DHX38: variants seen among roughly 807,000 people sequenced by gnomAD.
The protein encoded by DHX38 is pre-mRNA-splicing factor ATP-dependent RNA helicase PRP16.
DHX38 carries 100 observed loss-of-function variants against 153.1 expected under a neutral mutation model. The observed-to-expected ratio is 0.65, with a 90% CI of 0.56 to 0.77. The LOEUF (loss-of-function observed/expected upper bound fraction) is 0.77. Ranked by LOEUF, DHX38 falls within the 30% of genes least tolerant of loss-of-function variation. DHX38 has a pLI of 0.00. For synonymous variants in DHX38, 650 were observed against 631.7 expected (o/e 1.03, Z -0.43); for missense variants, 1,440 against 1,654.0 (o/e 0.87, Z 2.24).
intron 18 of DHX38, 148 bp downstream of exon 18, chr16:72,105,772 T>A (rs143051890): frequency 1.2e-6 from 1 of 806,634 alleles, no homozygotes; most frequent in African/African-American, 1.7e-5. Flanking sequence ...ATTGACTCAC[T>A]GTGCTTGGTT....
rs533996206 is a variant in DHX38 at position 72,105,924 on chromosome 16, C to T, written c.2488-81C>T. Reference sequence around the variant, plus strand: ...GCTCTTCCTCTGCCATGTGTAGCAACCAGGGCTTGCCTTTGTCTCAGGCCT... The same window carrying T: ...GCTCTTCCTCTGCCATGTGTAGCAATCAGGGCTTGCCTTTGTCTCAGGCCT... On this transcript the variant is annotated intron_variant, in intron 18 of 26. Coordinates refer to ENST00000268482, the MANE Select transcript of DHX38 (RefSeq NM_014003.4). 1.7e-5 allele frequency: 23 copies of T among 1,334,398 alleles called. No individual in the cohort carries two copies. In the South Asian group the frequency reaches 2.8e-4, roughly 16 times the overall value. The allele number at this position is 1,334,398 out of a possible 1,614,324, so 82.7% of individuals were successfully genotyped here. A position where few individuals can be genotyped will look rare whatever the true frequency, so the allele number is the denominator to read the frequency against.
chr16:72,104,143 G>A lies in DHX38; in HGVS notation c.2010+12G>A, dbSNP rs1159193096. Reference sequence around the variant, plus strand: ...GGCTGCTCCGGGAGGTGAGGGCTGTGTGGTTTGGTCTCTCTGCGCATGGGG... The same window carrying A: ...GGCTGCTCCGGGAGGTGAGGGCTGTATGGTTTGGTCTCTCTGCGCATGGGG... On this transcript the variant is annotated intron_variant, in intron 14 of 26. Transcript: ENST00000268482. The surrounding 1 kb of genome is among the most constrained non-coding windows in gnomAD (Gnocchi z 4.5). The A allele has an allele frequency of 1.9e-6, 3 of 1,612,494 alleles. No individual in the cohort carries two copies. Among genetic ancestry groups the A allele is most frequent in the Admixed American group, 3.3e-5 (2 of 59,980 alleles).
rs147679168 is a variant in DHX38, at chr16:72,104,036, C to T, written c.1915C>T (p.Arg639Trp). 8.1e-6 allele frequency: 13 copies of T among 1,614,040 alleles called. No individual in the cohort carries two copies. The highest frequency in any genetic ancestry group is 3.3e-5 in the South Asian group (3 of 91,082). The change falls in exon 14 of 27, where the codon CGG becomes TGG. Residue 639 changes from arginine (R) to tryptophan (W), a missense_variant. Arg to Trp is a moderately radical substitution (Grantham distance 101, BLOSUM62 -3). Transcript: ENST00000268482. The surrounding 1 kb of genome is among the most constrained non-coding windows in gnomAD (Gnocchi z 4.5). ...CGGGATCCTGCTCCGAGAGTCCCTC[C>T]GGGAAGCCGACCTGGATCACTACAG... ...TDGILLRESL[R>W]EADLDHYSAI...
In DHX38 at chr16:72,106,014, C is replaced by T. The variant is rs1014748960; in HGVS notation, c.2497C>T (p.Pro833Ser). The T allele has an allele frequency of 5.7e-5, 92 of 1,613,994 alleles. No homozygotes were observed. The highest frequency in any genetic ancestry group is 6.8e-5 in the Non-Finnish European group (80 of 1,179,970). ...SGYCKLKVFN[P>S]RIGMDALQIY... ...TGCCGTCCCCTCCTAGGTCTTCAAC[C>T]CCAGGATTGGCATGGATGCTCTGCA... Residue 833 changes from proline (P) to serine (S), a missense_variant, in exon 19 of 27, where the codon CCC becomes TCC. Physicochemically the swap from Pro to Ser is moderately conservative, Grantham distance 74. This residue lies in a region of DHX38 where 543 missense variants were observed against 717.9 expected (regional missense o/e 0.76). Coordinates refer to ENST00000268482, the MANE Select transcript of DHX38 (RefSeq NM_014003.4).
rs1276574306 is a variant in DHX38 at position 72,101,275 on chromosome 16, CAGAT to C, written c.1386+86_1386+89del. The C allele has an allele frequency of 1.1e-4, 157 of 1,485,680 alleles. 1 individual carries two copies. In the East Asian group the frequency reaches 3.7e-3, roughly 35 times the overall value. 92.0% of individuals were successfully genotyped at this position (1,485,680 alleles called of 1,614,324 possible). On this transcript the variant is annotated intron_variant, in intron 10 of 26. Transcript: ENST00000268482. Reference sequence around the variant, plus strand: ...CTCTTCATAAGTCTTACTAGGCCCACAGATAGAAGTTAGGAGTCCCCTCTATCAA... The same window carrying C: ...CTCTTCATAAGTCTTACTAGGCCCACAGAAGTTAGGAGTCCCCTCTATCAA...
At chr16:72,109,380 C>A (rs777610329) in intron 24 of DHX38, 35 bp from the exon 25 acceptor site, 1 of 1,606,860 alleles carries the variant, frequency 6.2e-7, no homozygotes, top group South Asian at 1.1e-5. Flanking sequence ...ATTGGCCCTC[C>A]TGTGACCCTC....
At chr16:72,110,908 C>CGGTGTAGAT in intron 25 of DHX38, 48 bp from the exon 26 acceptor site, 1 of 1,534,104 alleles carries the variant, frequency 6.5e-7, no homozygotes, top group Non-Finnish European at 8.8e-7. Flanking sequence ...AGGCCTCCTT[C>CGGTGTAGAT]CTTAGTGGTC....
Position 72,105,281 on chromosome 16 carries a change from C to T in DHX38, c.2312C>T (p.Pro771Leu), listed in dbSNP as rs1260987239. ...VEHLEELENA[P>L]ALAVLPIYSQ... ...CATCTGGAGGAACTGGAGAACGCGCCTGCCCTGGCTGTGCTGCCCATCTAC... is the reference window on the plus strand; with the variant it reads ...CATCTGGAGGAACTGGAGAACGCGCTTGCCCTGGCTGTGCTGCCCATCTAC... Residue 771 changes from proline to leucine, a missense_variant, in exon 17 of 27, where the codon CCT becomes CTT. Transcript: ENST00000268482. The T allele has an allele frequency of 6.2e-7, 1 of 1,614,194 alleles. No homozygotes were observed. Among genetic ancestry groups the T allele is most frequent in the Non-Finnish European group, 8.5e-7 (1 of 1,180,036 alleles).
In DHX38 at chr16:72,093,878, C is replaced by G. The variant is rs2041963462; in HGVS notation, c.-193C>G. On this transcript the variant is annotated 5_prime_UTR_variant, in exon 1 of 27. Coordinates refer to ENST00000268482, the MANE Select transcript of DHX38 (RefSeq NM_014003.4). ...ATCCAGGAATCGGGCGTGTTCCAGG[C>G]TGCTCTCTATGGTAGCTTTGGGCGG... is the stretch of plus-strand genomic sequence containing the variant. The G allele has an allele frequency of 6.6e-6, 1 of 152,332 alleles. No homozygotes were observed. Among genetic ancestry groups the G allele is most frequent in the Non-Finnish European group, 1.5e-5 (1 of 68,174 alleles). The allele number at this position is 152,332 out of a possible 1,614,324, so 9.4% of individuals were successfully genotyped here.
intron 11 of DHX38, 135 bp from the exon 12 acceptor site, chr16:72,102,939 A>G: frequency 1.6e-6 from 2 of 1,276,056 alleles, no homozygotes; most frequent in Non-Finnish European, 2.2e-6. Flanking sequence ...ACCATCTCAG[A>G]TTCCCTGGCT....
Position 72,096,410 on chromosome 16 carries a change from A to C in DHX38, c.253A>C (p.Ser85Arg), listed in dbSNP as rs779386985. 5 of 1,614,098 alleles carry C rather than the reference A, an allele frequency of 3.1e-6. No homozygotes were observed. Among genetic ancestry groups the C allele is most frequent in the Non-Finnish European group, 4.2e-6 (5 of 1,180,018 alleles). The change falls in exon 2 of 27, where the codon AGC becomes CGC. Residue 85 changes from serine to arginine, a missense_variant. Physicochemically the swap from Ser to Arg is moderately radical, Grantham distance 110. Coordinates refer to ENST00000268482, the MANE Select transcript of DHX38 (RefSeq NM_014003.4). Reference sequence around the variant, plus strand: ...CTCCTCCTACAAGGACTGGGAAGAGAGCAAGGATGACCAGAAGGATGCTGA... The same window carrying C: ...CTCCTCCTACAAGGACTGGGAAGAGCGCAAGGATGACCAGAAGGATGCTGA... ...KVSSYKDWEE[S>R]KDDQKDAEEE...
chr16:72,096,203 A>T lies in DHX38; in HGVS notation c.46A>T (p.Thr16Ser). The T allele has an allele frequency of 2.5e-6, 4 of 1,612,604 alleles. No individual in the cohort carries two copies. The highest frequency in any genetic ancestry group is 3.4e-6 in the Non-Finnish European group (4 of 1,178,734). The change falls in exon 2 of 27, where the codon ACT (threonine) becomes TCT (serine). Residue 16 changes from threonine (T) to serine (S), a missense_variant. Coordinates refer to ENST00000268482, the MANE Select transcript of DHX38 (RefSeq NM_014003.4). ...EDASIHRLEG[T>S]DLDCQVGGLI... is the part of the protein sequence containing the mutation. ...TGCCTCGATCCATCGATTGGAAGGC[A>T]CTGATCTGGACTGTCAGGTTGGTGG...
At chr16:72,101,240 C>G (rs199740807) in intron 10 of DHX38, 47 bp downstream of exon 10, 1 of 1,602,302 alleles carries the variant, frequency 6.2e-7, no homozygotes, top group African/African-American at 1.3e-5. Context: ...GTATTTTTTT[C>G]TTTTTTCTTC....
chr16:72,105,673 C>T (rs1450609640), intron 18 of DHX38, 49 bp downstream of exon 18: 1 of 1,593,022 alleles, frequency 6.3e-7, no homozygotes, highest in Non-Finnish European at 8.6e-7. Context: ...CAGAAGCTAA[C>T]TTAGCTGCGG....
rs777467018 is a variant in DHX38 at position 72,096,305 on chromosome 16, G to A, written c.148G>A (p.Gly50Arg). Residue 50 changes from glycine to arginine, a missense_variant, in exon 2 of 27, where the codon GGA becomes AGA. Physicochemically the swap from Gly to Arg is moderately radical, Grantham distance 125. Transcript: ENST00000268482. ...KAPAPRPSLL[G>R]LDLLASLKRR... ...TCCTGCTCCCCGCCCTTCATTACTC[G>A]GACTGGACTTGCTGGCTTCCCTGAA... is the stretch of plus-strand genomic sequence containing the variant. 14 of 1,614,048 alleles carry A rather than the reference G, an allele frequency of 8.7e-6. No individual in the cohort carries two copies. Among genetic ancestry groups the A allele is most frequent in the African/African-American group, 8.0e-5 (6 of 74,924 alleles).
intron 17 of DHX38, 62 bp downstream of exon 17, chr16:72,105,410 T>C (rs2042161197): frequency 1.3e-6 from 2 of 1,596,804 alleles, no homozygotes; most frequent in Non-Finnish European, 1.7e-6. Context: ...CGAGAGGGGA[T>C]GTGACTGTCC....
chr16:72,109,540 C>T (rs2042230761), intron 25 of DHX38, 30 bp downstream of exon 25: 1 of 1,589,140 alleles, frequency 6.3e-7, no homozygotes. Flanking sequence ...CGCAGGGGTG[C>T]TGTTTGCCTG....
intron 11 of DHX38, among the ~76,000 whole-genome samples, 169 bp downstream of exon 11, chr16:72,101,781 C>A (rs763241523): frequency 2.0e-5 from 3 of 152,202 alleles, no homozygotes; most frequent in African/African-American, 4.8e-5. Flanking sequence ...TCTTCACTGT[C>A]CTCCACTTTT....
chr16:72,103,931 C>G lies in DHX38; in HGVS notation c.1825-15C>G, dbSNP rs373264434. 1.9e-6 allele frequency: 3 copies of G among 1,612,364 alleles called. No homozygotes were observed. The highest frequency in any genetic ancestry group is 2.5e-6 in the Non-Finnish European group (3 of 1,178,482). ...CCGGTGGCCAGGGCATCTGAGCCAT[C>G]TCTCTGACCTCCAGGTGGGCTATGC... On this transcript the variant is annotated splice_polypyrimidine_tract_variant and intron_variant, in intron 13 of 26. Coordinates refer to ENST00000268482, the MANE Select transcript of DHX38 (RefSeq NM_014003.4).
Sources: gnomAD v4.1 joint callset for allele counts (sites outside exome capture counted in the v4.1 genomes callset) on GRCh38, gnomAD v4.1.1 for gene constraint, gnomAD v4.1.1 regional missense constraint, Gnocchi (gnomAD v3.1) non-coding constraint, MANE v1.5 for transcripts, NCBI Gene and HGNC (gene_info 2026-07-23, HGNC 2026-07-21) for gene names.